Variants in SGCD observed in about 807,000 individuals in gnomAD.
SGCD encodes sarcoglycan delta.
In SGCD, 18 loss-of-function variants were observed where a neutral mutation model predicts 36.6. The observed-to-expected ratio is 0.49, with a 90% confidence interval of 0.34 to 0.73. The LOEUF is 0.73. Among genes scored for constraint, SGCD ranks in the 30% least tolerant of loss-of-function variants. The pLI, the probability that SGCD is intolerant of heterozygous loss-of-function variation, is 0.01. For synonymous variants in SGCD, 133 were observed against 130.6 expected (o/e 1.02, Z -0.12); for missense variants, 387 against 346.7 (o/e 1.12, Z -0.92).
chr5:156,365,765 GTATGTC>G (rs892761379), intron 3 of SGCD, among the ~76,000 whole-genome samples: 1 of 145,436 alleles, frequency 6.9e-6, no homozygotes, highest in Non-Finnish European at 1.5e-5. Flanking sequence ...CTATTTACAT[GTATGTC>G]TATATTTCCA....
At chr5:156,375,395 CTTTTT>C (rs60179274) in intron 3 of SGCD, among the ~76,000 whole-genome samples, 1 of 110,738 alleles carries the variant, frequency 9.0e-6, no homozygotes, top group Non-Finnish European at 1.8e-5. Context: ...TCCTTCACAG[CTTTTT>C]TTTTTTTTTT....
At chr5:156,081,651 C>T (rs540063482) in intron 1 of SGCD, among the ~76,000 whole-genome samples, 2 of 152,294 alleles carry the variant, frequency 1.3e-5, no homozygotes, top group South Asian at 4.1e-4. Flanking sequence ...CCTTAGCCCC[C>T]ACAAAGTGCC....
At chr5:156,380,359 T>G (rs1336586065) in intron 3 of SGCD, among the ~76,000 whole-genome samples, 1 of 152,230 alleles carries the variant, frequency 6.6e-6, no homozygotes, top group Non-Finnish European at 1.5e-5. Context: ...GTGTTTTGTA[T>G]ATCTTTTGCT....
intron 3 of SGCD, among the ~76,000 whole-genome samples, chr5:156,293,180 T>C (rs1766805998): frequency 6.6e-6 from 1 of 152,080 alleles, no homozygotes; most frequent in Admixed American, 6.6e-5. Flanking sequence ...GCTCAAGTGA[T>C]CCTCCTGCCT....
At chr5:156,239,928 G>C (rs1290020071) in intron 3 of SGCD, among the ~76,000 whole-genome samples, 1 of 152,154 alleles carries the variant, frequency 6.6e-6, no homozygotes, top group Non-Finnish European at 1.5e-5. Flanking sequence ...TTGGCAGTTT[G>C]TTGACCTTGA....
chr5:156,182,592 G>A (rs1763635287), intron 3 of SGCD, among the ~76,000 whole-genome samples: 1 of 152,092 alleles, frequency 6.6e-6, no homozygotes, highest in Non-Finnish European at 1.5e-5. Flanking sequence ...GTGAGGCTCT[G>A]TGTCAAAAAA....
In SGCD at chr5:156,621,547, A is replaced by C. The variant is rs182574317; in HGVS notation, c.503-25917A>C. On this transcript the variant is annotated intron_variant, in intron 6 of 8. Coordinates refer to ENST00000337851, the MANE Select transcript of SGCD (RefSeq NM_000337.6). The stretch of plus-strand genomic sequence containing the variant: ...AAAAAAAATGTGCGTTATGGGAGCA[A>C]AGTATAAAATGCTATGGAAACATAA... 2.7e-3 allele frequency among the ~76,000 whole-genome samples: 411 copies of C among 152,312 alleles called. 3 individuals are homozygous for C. The highest frequency in any genetic ancestry group is 9.5e-3 in the African/African-American group (395 of 41,564).
At chr5:155,851,057 A>G in the SGCD span, among the ~76,000 whole-genome samples, 1 of 152,286 alleles carries the variant, frequency 6.6e-6, no homozygotes, top group East Asian at 1.9e-4. Context: ...GTGCCAGTTG[A>G]TTAAAAGCTT....
At chr5:156,381,970 C>G (rs1005938632) in intron 3 of SGCD, among the ~76,000 whole-genome samples, 2 of 152,072 alleles carry the variant, frequency 1.3e-5, no homozygotes, top group Non-Finnish European at 2.9e-5. Flanking sequence ...AGTAAGTGGT[C>G]AATGTATGTT....
At chr5:155,823,448 C>T in the SGCD span, among the ~76,000 whole-genome samples, 6 of 152,170 alleles carry the variant, frequency 3.9e-5, no homozygotes, top group Admixed American at 3.9e-4. Flanking sequence ...GATTCAAATG[C>T]TCATTTCATA....
intron 2 of SGCD, among the ~76,000 whole-genome samples, chr5:156,334,615 T>C (rs1323490334): frequency 2.7e-5 from 4 of 149,460 alleles, no homozygotes; most frequent in African/African-American, 1.0e-4. Flanking sequence ...TTTTCTTTTT[T>C]TTTTTTTTTT....
intron 1 of SGCD, among the ~76,000 whole-genome samples, chr5:155,967,167 C>T (rs1051120766): frequency 2.0e-5 from 3 of 151,958 alleles, no homozygotes; most frequent in African/African-American, 7.2e-5. Flanking sequence ...TCTGTGCTTG[C>T]CTGAGAACCT....
At chr5:156,081,539 G>T (rs1217181933) in intron 1 of SGCD, among the ~76,000 whole-genome samples, 1 of 152,202 alleles carries the variant, frequency 6.6e-6, no homozygotes, top group East Asian at 1.9e-4. Flanking sequence ...GACTACAGGT[G>T]CATGCTACCA....
At chr5:156,003,242 A>G (rs561224485) in intron 1 of SGCD, among the ~76,000 whole-genome samples, 13 of 152,336 alleles carry the variant, frequency 8.5e-5, no homozygotes, top group Admixed American at 7.2e-4. Flanking sequence ...TGCCTTCCCC[A>G]TTAACCTCTA....
the SGCD span, among the ~76,000 whole-genome samples, chr5:155,814,154 C>A: frequency 2.0e-5 from 3 of 152,208 alleles, no homozygotes; most frequent in African/African-American, 7.2e-5. Flanking sequence ...TGTTTCTAGG[C>A]ACATTTTGTT....
intron 4 of SGCD, among the ~76,000 whole-genome samples, chr5:156,520,563 G>A (rs1757356416): frequency 6.6e-6 from 1 of 151,952 alleles, no homozygotes; most frequent in Admixed American, 6.5e-5. Context: ...AACCAAAAAA[G>A]AGCCCAAATT....
chr5:156,711,327 G>A (rs904747005), intron 7 of SGCD, among the ~76,000 whole-genome samples: 2 of 152,204 alleles, frequency 1.3e-5, no homozygotes, highest in Non-Finnish European at 2.9e-5. Context: ...TAAACATTGT[G>A]TGTCCACATG....
In SGCD at chr5:156,545,703, A is replaced by G. The variant is rs534142848; in HGVS notation, c.294+37001A>G. On this transcript the variant is annotated intron_variant, in intron 4 of 8. Transcript: ENST00000337851. The stretch of plus-strand genomic sequence containing the variant: ...GCCTGCCACTCACCTCCTGCTGTGC[A>G]GCCTGGTTCCCTGTACCCGTCTTCG... Among the ~76,000 whole-genome samples the G allele has an allele frequency of 4.6e-5, 7 of 152,278 alleles. No individual in the cohort carries two copies. In the South Asian group the frequency reaches 1.2e-3, roughly 27 times the overall value.
At chr5:156,480,696 C>G (rs1203416116) in intron 3 of SGCD, among the ~76,000 whole-genome samples, 3 of 152,118 alleles carry the variant, frequency 2.0e-5, no homozygotes, top group African/African-American at 7.2e-5. Context: ...TTTCTGAAAC[C>G]CTGCTCTCTT....
Sources: allele counts gnomAD v4.1 joint callset (sites outside exome capture counted in the v4.1 genomes callset), GRCh38; gene constraint gnomAD v4.1.1; transcripts MANE v1.5; gene names NCBI Gene and HGNC (gene_info 2026-07-23, HGNC 2026-07-21).